Variants in NLGN1 observed in about 807,000 individuals in gnomAD.
NLGN1 encodes neuroligin-1.
NLGN1 carries 12 observed loss-of-function variants against 65.5 expected under a neutral mutation model. The ratio of observed to expected loss-of-function variants is 0.18; its 90% confidence interval spans 0.12 to 0.30. The LOEUF is 0.30. Ranked by LOEUF, NLGN1 falls within the 10% of genes least tolerant of loss-of-function variation. The pLI is 1.00. For missense variants in NLGN1, 750 were observed against 1,007.1 expected (o/e 0.74, Z 3.46); for synonymous variants, 350 against 359.5 (o/e 0.97, Z 0.30).
chr3:173,659,678 A>G (rs1760632183), intron 3 of NLGN1, among the ~76,000 whole-genome samples: 1 of 151,784 alleles, frequency 6.6e-6, no homozygotes. Context: ...CTGATTCACA[A>G]ATTTAGAGCA....
chr3:173,935,706 A>G (rs190696520), intron 4 of NLGN1, among the ~76,000 whole-genome samples: 9 of 151,626 alleles, frequency 5.9e-5, no homozygotes, highest in Admixed American at 1.3e-4. Context: ...ATCCACTAAA[A>G]CCAGAAATTA....
chr3:174,171,190 G>T (rs1362958), intron 4 of NLGN1, among the ~76,000 whole-genome samples: 41,212 of 152,002 alleles, frequency 0.27, 7,074 homozygotes, highest in African/African-American at 0.49. Flanking sequence ...GCAAACAAAT[G>T]AAATACATAT....
chr3:173,467,968 G>C (rs970362520), intron 2 of NLGN1, among the ~76,000 whole-genome samples: 2 of 152,102 alleles, frequency 1.3e-5, no homozygotes, highest in Admixed American at 6.6e-5. Flanking sequence ...AGATGCACCT[G>C]TGATTTATTA....
chr3:173,867,083 C>T (rs1730322490), intron 4 of NLGN1, among the ~76,000 whole-genome samples: 1 of 152,102 alleles, frequency 6.6e-6, no homozygotes. Context: ...GATCTAGCAG[C>T]ACATTAAGGA....
intron 4 of NLGN1, among the ~76,000 whole-genome samples, chr3:174,155,985 C>T (rs972671226): frequency 3.3e-5 from 5 of 151,808 alleles, no homozygotes; most frequent in African/African-American, 1.2e-4. Flanking sequence ...TACATAATAA[C>T]ATAAACTGTC....
chr3:173,729,053 T>C lies in NLGN1; in HGVS notation c.494-78627T>C, dbSNP rs142517757. 1.7e-3 allele frequency among the ~76,000 whole-genome samples: 264 copies of C among 152,244 alleles called. 2 individuals are homozygous for C. The highest frequency in any genetic ancestry group is 6.1e-3 in the African/African-American group (253 of 41,570). On this transcript the variant is annotated intron_variant, in intron 3 of 6. Transcript: ENST00000457714. ...CAGATTACCTGATGGAATCTTATTT[T>C]GCTGAGATGATTGTCATATACTTTT...
intron 4 of NLGN1, among the ~76,000 whole-genome samples, chr3:174,078,593 G>T (rs1389547256): frequency 6.6e-6 from 1 of 152,090 alleles, no homozygotes; most frequent in Non-Finnish European, 1.5e-5. Flanking sequence ...GGGTCACAAA[G>T]ACCAAAATGT....
At chr3:173,770,839 GA>G (rs954244209) in intron 3 of NLGN1, among the ~76,000 whole-genome samples, 72 of 149,538 alleles carry the variant, frequency 4.8e-4, no homozygotes, top group East Asian at 2.3e-3. Context: ...TCAATAGAAT[GA>G]AAAAAAAAAT....
intron 1 of NLGN1, among the ~76,000 whole-genome samples, chr3:173,421,734 T>A (rs1715087748): frequency 6.6e-6 from 1 of 151,904 alleles, no homozygotes; most frequent in African/African-American, 2.4e-5. Flanking sequence ...TGCCTCAGGC[T>A]GGTCTTAAAC....
Position 173,893,681 on chromosome 3 carries a change from A to G in NLGN1, c.646+85849A>G, listed in dbSNP as rs1362641864. Among the ~76,000 whole-genome samples, 4 of 152,240 alleles carry G rather than the reference A, an allele frequency of 2.6e-5. No homozygotes were observed. In the East Asian group the frequency reaches 5.8e-4, roughly 22 times the overall value. On this transcript the variant is annotated intron_variant, in intron 4 of 6. Transcript: ENST00000457714. ...TAGGCCCTAAATAATTTTTTGCATA[A>G]TTATTATTGCATGGGCTCCTAACCT...
chr3:173,509,424 G>A lies in NLGN1; in HGVS notation c.-321+74346G>A, dbSNP rs141818129. Among the ~76,000 whole-genome samples, 265 of 151,924 alleles carry A rather than the reference G, an allele frequency of 1.7e-3. 1 individual carries two copies. Among genetic ancestry groups the A allele is most frequent in the Non-Finnish European group, 1.5e-3 (100 of 67,976 alleles). Reference sequence around the variant, plus strand: ...TGTATTTAGTTCGTGACCTGCCTGGGTAACATGGTGAAACCCCATTTCTGC... The same window carrying A: ...TGTATTTAGTTCGTGACCTGCCTGGATAACATGGTGAAACCCCATTTCTGC... On this transcript the variant is annotated intron_variant, in intron 2 of 6. Coordinates refer to ENST00000457714, the Ensembl canonical transcript of NLGN1.
At chr3:173,853,854 CT>C (rs1375445552) in intron 4 of NLGN1, among the ~76,000 whole-genome samples, 5 of 151,746 alleles carry the variant, frequency 3.3e-5, no homozygotes, top group African/African-American at 1.2e-4. Context: ...AAAACAGTAT[CT>C]TTTTTGAGTT....
intron 4 of NLGN1, among the ~76,000 whole-genome samples, chr3:173,899,300 T>G (rs1304909557): frequency 1.3e-5 from 2 of 152,236 alleles, no homozygotes; most frequent in South Asian, 2.1e-4. Context: ...CATTGAAAGT[T>G]TTTCAAATTA....
At chr3:173,744,509 T>G (rs547910898) in intron 3 of NLGN1, among the ~76,000 whole-genome samples, 3 of 152,154 alleles carry the variant, frequency 2.0e-5, no homozygotes, top group African/African-American at 7.2e-5. Flanking sequence ...GAACAGCATA[T>G]TTTAGAAGGA....
At chr3:173,926,200 CTG>C (rs1486564474) in intron 4 of NLGN1, among the ~76,000 whole-genome samples, 2 of 151,266 alleles carry the variant, frequency 1.3e-5, no homozygotes, top group African/African-American at 2.4e-5. Context: ...ACAAAGATAA[CTG>C]TATCAAAAAA....
intron 3 of NLGN1, among the ~76,000 whole-genome samples, chr3:173,733,538 G>T (rs1192223047): frequency 6.6e-6 from 1 of 152,112 alleles, no homozygotes; most frequent in Non-Finnish European, 1.5e-5. Context: ...GAAAGTGGAA[G>T]ATACTGTTCC....
intron 4 of NLGN1, among the ~76,000 whole-genome samples, chr3:173,928,672 A>AT (rs34589178): frequency 0.26 from 35,202 of 134,486 alleles, 4,917 homozygotes; most frequent in Non-Finnish European, 0.28. Context: ...GACATAGTTA[A>AT]TTTTTTTTTT....
At chr3:173,699,960 A>AG (rs955084173) in intron 3 of NLGN1, among the ~76,000 whole-genome samples, 22 of 152,360 alleles carry the variant, frequency 1.4e-4, no homozygotes, top group African/African-American at 5.3e-4. Flanking sequence ...TAATTTATTA[A>AG]GTGGAACTTT....
In NLGN1 at chr3:173,609,166, A is replaced by G. The variant is rs556489582; in HGVS notation, c.493+4075A>G. 2.1e-3 allele frequency among the ~76,000 whole-genome samples: 321 copies of G among 152,120 alleles called. 2 individuals carry two copies. The highest frequency in any genetic ancestry group is 7.5e-3 in the African/African-American group (313 of 41,548). On this transcript the variant is annotated intron_variant, in intron 3 of 6. Coordinates refer to ENST00000457714, the Ensembl canonical transcript of NLGN1. The stretch of plus-strand genomic sequence containing the variant: ...GATTCACAAACACATTGTCTGGCTC[A>G]TGGATTCTCTAGAGTTGTGTAGTCT...
Sources: gnomAD v4.1 joint callset for allele counts (sites outside exome capture counted in the v4.1 genomes callset) on GRCh38, gnomAD v4.1.1 for gene constraint, MANE v1.5 for transcripts, NCBI Gene and HGNC (gene_info 2026-07-23, HGNC 2026-07-21) for gene names.